Variants in CDH10 observed in about 807,000 individuals in gnomAD.
CDH10 encodes the protein cadherin-10.
CDH10 carries 30 observed loss-of-function variants against 73.1 expected under a neutral mutation model. That is an observed-to-expected ratio of 0.41 (90% CI 0.31 to 0.56). CDH10 has a LOEUF of 0.56. Ranked by LOEUF, CDH10 falls within the 20% of genes least tolerant of loss-of-function variation. The pLI is 0.27. For synonymous variants in CDH10, 345 were observed against 348.2 expected (o/e 0.99, Z 0.10); for missense variants, 815 against 973.7 (o/e 0.84, Z 2.17).
chr5:24,499,062 C>T (rs533349771), intron 8 of CDH10, among the ~76,000 whole-genome samples: 8 of 152,164 alleles, frequency 5.3e-5, no homozygotes, highest in South Asian at 2.1e-4. Flanking sequence ...TAAGGTCCTT[C>T]GCTCGTAAGT....
At chr5:24,618,206 A>G (rs972598172) in intron 1 of CDH10, among the ~76,000 whole-genome samples, 1 of 152,212 alleles carries the variant, frequency 6.6e-6, no homozygotes, top group African/African-American at 2.4e-5. Context: ...CTGATGTAAA[A>G]TCATTTAACA....
At chr5:24,506,902 T>A (rs1742719837) in intron 7 of CDH10, among the ~76,000 whole-genome samples, 1 of 152,158 alleles carries the variant, frequency 6.6e-6, no homozygotes, top group African/African-American at 2.4e-5. Flanking sequence ...ATTCTTGTAG[T>A]TCAGAATGAA....
chr5:24,563,595 T>TATAA (rs1267665246), intron 2 of CDH10, among the ~76,000 whole-genome samples: 16 of 12,352 alleles, frequency 1.3e-3, no homozygotes, highest in Middle Eastern at 0.11. Flanking sequence ...CTACTAAAAA[T>TATAA]ACAAAAAAAA....
In CDH10 at chr5:24,597,434, C is replaced by A. The variant is rs150702429; in HGVS notation, c.-123-3821G>T. On this transcript the variant is annotated intron_variant, in intron 1 of 11. Transcript: ENST00000264463. Reference sequence around the variant, plus strand: ...TATTTAGTGCTTCAGCCCCCAGATACGTAGCCTACTACAATGAGGGGAATA... The same window carrying A: ...TATTTAGTGCTTCAGCCCCCAGATAAGTAGCCTACTACAATGAGGGGAATA... Among the ~76,000 whole-genome samples the A allele has an allele frequency of 2.6e-3, 400 of 152,210 alleles. 2 individuals carry two copies. The highest frequency in any genetic ancestry group is 8.3e-3 in the South Asian group (40 of 4,830).
chr5:24,629,240 C>A (rs1260259453), intron 1 of CDH10, among the ~76,000 whole-genome samples: 2 of 152,022 alleles, frequency 1.3e-5, no homozygotes, highest in African/African-American at 4.8e-5. Context: ...TCTTTTAAAA[C>A]TGATTTTAGA....
intron 2 of CDH10, among the ~76,000 whole-genome samples, chr5:24,585,411 T>C (rs1479526186): frequency 6.6e-6 from 1 of 152,132 alleles, no homozygotes; most frequent in African/African-American, 2.4e-5. Flanking sequence ...CACACAAACA[T>C]ACTTTTTCTT....
At chr5:24,568,611 G>A (rs1579820084) in intron 2 of CDH10, among the ~76,000 whole-genome samples, 1 of 152,046 alleles carries the variant, frequency 6.6e-6, no homozygotes. Context: ...AATTCACATA[G>A]AATTACCACA....
Position 24,546,309 on chromosome 5 carries a change from T to A in CDH10, c.232-8635A>T, listed in dbSNP as rs780923025. Among the ~76,000 whole-genome samples, 44 of 152,208 alleles carry A rather than the reference T, an allele frequency of 2.9e-4. 1 individual carries two copies. The highest frequency in any genetic ancestry group is 3.4e-3 in the Middle Eastern group (1 of 294). On this transcript the variant is annotated intron_variant, in intron 2 of 11. Transcript: ENST00000264463. The stretch of plus-strand genomic sequence containing the variant: ...ATAAAAATAAGATTCTTGTTCTAGG[T>A]TAACTTTCTGTGTTTTCCCCAATAA...
intron 5 of CDH10, among the ~76,000 whole-genome samples, chr5:24,514,260 A>C (rs1178382324): frequency 6.6e-6 from 1 of 151,792 alleles, no homozygotes; most frequent in African/African-American, 2.4e-5. Context: ...GAGTTTCAAA[A>C]CTCTTTGATT....
chr5:24,542,572 C>T (rs980300900), intron 2 of CDH10, among the ~76,000 whole-genome samples: 2 of 152,144 alleles, frequency 1.3e-5, no homozygotes, highest in African/African-American at 4.8e-5. Context: ...TGTGTGAGTA[C>T]ATTCTACAAT....
chr5:24,599,036 C>T (rs1561188704), intron 1 of CDH10, among the ~76,000 whole-genome samples: 1 of 152,086 alleles, frequency 6.6e-6, no homozygotes, highest in East Asian at 1.9e-4. Flanking sequence ...AGAATAGCAT[C>T]CAAGAGTTCT....
At chr5:24,627,687 G>A (rs1396692545) in intron 1 of CDH10, among the ~76,000 whole-genome samples, 4 of 151,976 alleles carry the variant, frequency 2.6e-5, no homozygotes, top group African/African-American at 9.7e-5. Flanking sequence ...AATACTAGAG[G>A]CAAATCACTC....
At chr5:24,643,229 C>A (rs1481013517) in intron 1 of CDH10, among the ~76,000 whole-genome samples, 1 of 152,076 alleles carries the variant, frequency 6.6e-6, no homozygotes, top group Non-Finnish European at 1.5e-5. Flanking sequence ...ACCTGTGTTT[C>A]TAGGACATAA....
chr5:24,556,846 T>C (rs550051253), intron 2 of CDH10, among the ~76,000 whole-genome samples: 1 of 152,058 alleles, frequency 6.6e-6, no homozygotes, highest in African/African-American at 2.4e-5. Context: ...TTATTCTTCA[T>C]AATTCTGTGA....
At chr5:24,495,704 G>A (rs1169558) in intron 9 of CDH10, among the ~76,000 whole-genome samples, 107,342 of 151,770 alleles carry the variant, frequency 0.71, 38,398 homozygotes, top group African/African-American at 0.77. Flanking sequence ...AAAATCAGGC[G>A]GGCGTGGTGG....
intron 8 of CDH10, among the ~76,000 whole-genome samples, chr5:24,500,381 C>T (rs1355485942): frequency 6.6e-6 from 1 of 152,190 alleles, no homozygotes; most frequent in Non-Finnish European, 1.5e-5. Flanking sequence ...TAAAATGCAT[C>T]CTTTCTTCAC....
intron 2 of CDH10, among the ~76,000 whole-genome samples, chr5:24,548,943 AG>A (rs1157512163): frequency 6.6e-6 from 1 of 152,150 alleles, no homozygotes; most frequent in Non-Finnish European, 1.5e-5. Context: ...AATGTATTTA[AG>A]AATATAAAAC....
chr5:24,581,194 C>T (rs1013917328), intron 2 of CDH10, among the ~76,000 whole-genome samples: 11 of 152,158 alleles, frequency 7.2e-5, no homozygotes, highest in African/African-American at 2.7e-4. Flanking sequence ...TACCACTTTC[C>T]TCTTGCTTCC....
chr5:24,514,783 C>T (rs925218892), intron 5 of CDH10, among the ~76,000 whole-genome samples: 2 of 151,714 alleles, frequency 1.3e-5, no homozygotes, highest in African/African-American at 4.8e-5. Flanking sequence ...AATGCAGCCA[C>T]AATATTTTTT....
Sources: gnomAD v4.1 joint callset for allele counts (sites outside exome capture counted in the v4.1 genomes callset) on GRCh38, gnomAD v4.1.1 for gene constraint, MANE v1.5 for transcripts, NCBI Gene and HGNC (gene_info 2026-07-23, HGNC 2026-07-21) for gene names.